The following TRPC1 variants were observed in gnomAD, a reference collection of about 807,000 sequenced individuals.
TRPC1 encodes the protein transient receptor potential cation channel subfamily C member 1.
TRPC1 carries 42 observed loss-of-function variants against 88.2 expected under a neutral mutation model. The ratio of observed to expected loss-of-function variants is 0.48; its 90% CI spans 0.37 to 0.62. The LOEUF is 0.62. Ranked by LOEUF, TRPC1 falls within the 20% of genes least tolerant of loss-of-function variation. The probability of loss-of-function intolerance (pLI) is 0.00; values close to 1 mark genes in which losing one functional copy is unlikely to be tolerated. For missense variants in TRPC1, 699 were observed against 957.3 expected (o/e 0.73, Z 3.56); for synonymous variants, 288 against 331.8 (o/e 0.87, Z 1.43).
At chr3:142,747,669 A>C (rs1270353635) in intron 3 of TRPC1, among the ~76,000 whole-genome samples, 9 of 152,220 alleles carry the variant, frequency 5.9e-5, no homozygotes, top group Non-Finnish European at 1.5e-5. Context: ...AGAACTCATT[A>C]AATACTAGCA....
rs141160935 is a variant in TRPC1, at chr3:142,759,098, C to T, written c.632+10638C>T. The stretch of plus-strand genomic sequence containing the variant: ...TATTGATGGACATCTGGGTTGGTTC[C>T]AAGTCTTTGCTATTGTGAATAATGC... On this transcript the variant is annotated intron_variant, in intron 4 of 12. Transcript: ENST00000476941. Among the ~76,000 whole-genome samples the T allele has an allele frequency of 1.4e-3, 207 of 152,146 alleles. 2 individuals are homozygous for T. Among genetic ancestry groups the T allele is most frequent in the African/African-American group, 4.7e-3 (196 of 41,498 alleles).
chr3:142,738,890 A>G (rs1934241758), intron 2 of TRPC1, among the ~76,000 whole-genome samples: 1 of 152,190 alleles, frequency 6.6e-6, no homozygotes, highest in East Asian at 1.9e-4. Context: ...AACCTTAAAT[A>G]TGTTCACTTA....
In TRPC1 at chr3:142,724,790, T is replaced by A; in HGVS notation, c.172+59T>A. ...CCTGTCCTCCAGACCTTTAGTCCTC[T>A]CCCCCGCCTCAACTTATATCGGGGC... On this transcript the variant is annotated intron_variant, in intron 1 of 12. Transcript: ENST00000476941. This position sits in a 1 kb window ranked among gnomAD's most constrained non-coding sequence, Gnocchi z 5.6. 1 of 1,433,578 alleles carries A rather than the reference T, an allele frequency of 7.0e-7. No individual in the cohort carries two copies. The highest frequency in any genetic ancestry group is 9.2e-7 in the Non-Finnish European group (1 of 1,083,644). The allele number at this position is 1,433,578 out of a possible 1,614,324, so 88.8% of individuals were successfully genotyped here.
chr3:142,806,514 G>GTT lies in TRPC1; in HGVS notation c.*287_*288dup. On this transcript the variant is annotated 3_prime_UTR_variant, in exon 13 of 13. Coordinates refer to ENST00000476941, the MANE Select transcript of TRPC1 (RefSeq NM_001251845.2). ...GTTTTCTTACTTAGTGCTTTAAAAT[G>GTT]TTTTTTTTTATGTTTAAGAGGGGCA... 4.7e-6 allele frequency: 1 copy of GTT among 214,198 alleles called. No homozygotes were observed. Among genetic ancestry groups the GTT allele is most frequent in the East Asian group, 1.1e-4 (1 of 9,424 alleles). 13.3% of individuals were successfully genotyped at this position (214,198 alleles called of 1,614,324 possible).
chr3:142,733,410 G>C (rs948967649), intron 1 of TRPC1, among the ~76,000 whole-genome samples: 4 of 152,174 alleles, frequency 2.6e-5, no homozygotes, highest in Non-Finnish European at 5.9e-5. Flanking sequence ...TACTCAGGAG[G>C]CTGAGGCAGG....
intron 4 of TRPC1, among the ~76,000 whole-genome samples, chr3:142,764,184 A>G (rs57139089): frequency 0.081 from 12,250 of 150,886 alleles, 796 homozygotes; most frequent in African/African-American, 0.17. Context: ...TTAGTTGTCA[A>G]CTGATATATT....
intron 9 of TRPC1, among the ~76,000 whole-genome samples, chr3:142,798,632 G>A (rs1233378758): frequency 1.3e-5 from 2 of 152,168 alleles, no homozygotes; most frequent in Non-Finnish European, 2.9e-5. Flanking sequence ...TAGTTGGACC[G>A]TGGATTGGAG....
chr3:142,805,652 A>G (rs937465231), intron 12 of TRPC1, among the ~76,000 whole-genome samples: 1 of 152,168 alleles, frequency 6.6e-6, no homozygotes, highest in Non-Finnish European at 1.5e-5. Context: ...AATTAGTGTT[A>G]TTATCAATTG....
chr3:142,757,354 C>CAT (rs1935009725), intron 4 of TRPC1, among the ~76,000 whole-genome samples: 1 of 110,046 alleles, frequency 9.1e-6, no homozygotes, highest in Non-Finnish European at 1.8e-5. Flanking sequence ...GACACATGCA[C>CAT]ACATGTTTAT....
chr3:142,771,174 T>C (rs555776919), intron 4 of TRPC1, among the ~76,000 whole-genome samples: 13 of 152,240 alleles, frequency 8.5e-5, no homozygotes, highest in African/African-American at 2.4e-4. Flanking sequence ...ACCTCCAACA[T>C]TGAGGATCAA....
intron 4 of TRPC1, among the ~76,000 whole-genome samples, chr3:142,754,089 CAAAAAAAAA>C (rs10609600): frequency 9.3e-5 from 8 of 86,154 alleles, no homozygotes; most frequent in East Asian, 3.3e-4. Context: ...GACTCCGTCT[CAAAAAAAAA>C]AAAAAAAAAA....
rs527933734 is a variant in TRPC1 at position 142,725,610 on chromosome 3, C to T, written c.172+879C>T. Among the ~76,000 whole-genome samples, 3 of 152,212 alleles carry T rather than the reference C, an allele frequency of 2.0e-5. No individual in the cohort carries two copies. In the East Asian group the frequency reaches 5.8e-4, roughly 29 times the overall value. ...CAAAAGGGATAGGAAATTGATTGCC[C>T]TAAGACTGCTTTTGTTTCCTACATG... On this transcript the variant is annotated intron_variant, in intron 1 of 12. Coordinates refer to ENST00000476941, the MANE Select transcript of TRPC1 (RefSeq NM_001251845.2).
chr3:142,786,020 A>G (rs1936123228), intron 7 of TRPC1, among the ~76,000 whole-genome samples: 1 of 152,134 alleles, frequency 6.6e-6, no homozygotes, highest in Admixed American at 6.5e-5. Flanking sequence ...AATGTCTTAA[A>G]TCATCTTCTA....
rs574880065 is a variant in TRPC1 at position 142,776,678 on chromosome 3, C to A, written c.633-954C>A. 2.1e-4 allele frequency among the ~76,000 whole-genome samples: 32 copies of A among 148,934 alleles called. No homozygotes were observed. Among genetic ancestry groups the A allele is most frequent in the African/African-American group, 7.9e-4 (32 of 40,570 alleles). On this transcript the variant is annotated intron_variant, in intron 4 of 12. Coordinates refer to ENST00000476941, the MANE Select transcript of TRPC1 (RefSeq NM_001251845.2). The surrounding 1 kb of genome is among the most constrained non-coding windows in gnomAD (Gnocchi z 4.1). ...CCAGCACTTTGGGAGGCCGAGGTGGCTGGATCACAAGGTCAGGAGATCGAG... is the reference window on the plus strand; with the variant it reads ...CCAGCACTTTGGGAGGCCGAGGTGGATGGATCACAAGGTCAGGAGATCGAG...
At chr3:142,790,323 G>T (rs1009722045) in intron 7 of TRPC1, among the ~76,000 whole-genome samples, 1 of 152,246 alleles carries the variant, frequency 6.6e-6, no homozygotes, top group South Asian at 2.1e-4. Context: ...AGACTTGCAG[G>T]CCATTGTAAA....
intron 3 of TRPC1, among the ~76,000 whole-genome samples, chr3:142,747,455 AC>A (rs1934598582): frequency 6.6e-6 from 1 of 152,098 alleles, no homozygotes; most frequent in Admixed American, 6.6e-5. Flanking sequence ...CTCTTACCAC[AC>A]CCATGGACTC....
At chr3:142,745,785 T>C (rs1934525923) in intron 3 of TRPC1, among the ~76,000 whole-genome samples, 3 of 152,144 alleles carry the variant, frequency 2.0e-5, no homozygotes, top group South Asian at 2.1e-4. Flanking sequence ...TTAGTTTCGC[T>C]CTTGTTTTGT....
intron 4 of TRPC1, among the ~76,000 whole-genome samples, chr3:142,757,631 C>G (rs937443719): frequency 2.6e-5 from 4 of 151,292 alleles, no homozygotes; most frequent in African/African-American, 7.3e-5. Context: ...ACATCACACA[C>G]CGGGGCCTCT....
At chr3:142,751,831 A>G (rs1241865103) in intron 4 of TRPC1, among the ~76,000 whole-genome samples, 1 of 152,174 alleles carries the variant, frequency 6.6e-6, no homozygotes, top group African/African-American at 2.4e-5. Context: ...CTGGGAATCA[A>G]TCTGATGTTT....
Sources: allele counts gnomAD v4.1 joint callset (sites outside exome capture counted in the v4.1 genomes callset), GRCh38; gene constraint gnomAD v4.1.1; non-coding constraint Gnocchi (gnomAD v3.1); transcripts MANE v1.5; gene names NCBI Gene and HGNC (gene_info 2026-07-23, HGNC 2026-07-21).